The following GIT2 variants were observed in gnomAD, a reference collection of about 807,000 sequenced individuals.
GIT2 encodes GIT ArfGAP 2, also known as ARF GTPase-activating protein GIT2.
Under a neutral mutation model 100.3 loss-of-function variants are expected in GIT2, and 32 were observed. The observed-to-expected ratio is 0.32, with a 90% CI of 0.24 to 0.43. The LOEUF is 0.43. Among genes scored for constraint, GIT2 ranks in the 20% least tolerant of loss-of-function variants. The pLI, the probability that GIT2 is intolerant of heterozygous loss-of-function variation, is 1.00. For synonymous variants in GIT2, 353 were observed against 364.1 expected (o/e 0.97, Z 0.35); for missense variants, 737 against 975.1 (o/e 0.76, Z 3.25).
intron 2 of GIT2, 53 bp downstream of exon 2, chr12:109,991,571 CATG>C: frequency 1.4e-6 from 2 of 1,432,818 alleles, no homozygotes; most frequent in Non-Finnish European, 9.7e-7. Flanking sequence ...AAGTTATTAA[CATG>C]ATGAGCCCTA....
At chr12:109,981,243 T>C in intron 6 of GIT2, 197 bp from the exon 7 acceptor site, 1 of 510,742 alleles carries the variant, frequency 2.0e-6, no homozygotes. Flanking sequence ...CCATCTGAAC[T>C]ATCGCCTTTC....
At chr12:109,965,301 A>G (rs1882048831) in intron 9 of GIT2, among the ~76,000 whole-genome samples, 1 of 152,272 alleles carries the variant, frequency 6.6e-6, no homozygotes, top group African/African-American at 2.4e-5. Flanking sequence ...GTTACATGAT[A>G]GAGAAAAATG....
chr12:109,965,598 A>G, intron 8 of GIT2, 21 bp from the exon 9 acceptor site: 2 of 1,502,614 alleles, frequency 1.3e-6, no homozygotes, highest in Non-Finnish European at 1.8e-6. Context: ...ATACAAAGCT[A>G]ATAAGCAAAT....
At chr12:109,986,827 C>G (rs11069215) in intron 4 of GIT2, among the ~76,000 whole-genome samples, 1 of 150,708 alleles carries the variant, frequency 6.6e-6, no homozygotes, top group Non-Finnish European at 1.5e-5. Flanking sequence ...CCTGGTGGCA[C>G]GTGCCTGTAA....
chr12:109,961,517 G>T, intron 10 of GIT2, 96 bp downstream of exon 10: 1 of 952,352 alleles, frequency 1.1e-6, no homozygotes, highest in Non-Finnish European at 1.7e-6. Flanking sequence ...CGCACCATCA[G>T]GACAGCAGAA....
chr12:109,966,638 C>CCTG (rs938339801), intron 8 of GIT2, among the ~76,000 whole-genome samples: 3 of 151,268 alleles, frequency 2.0e-5, no homozygotes, highest in African/African-American at 7.3e-5. Flanking sequence ...AGAGCAAGAC[C>CCTG]CTGTCTCTAC....
At position 109,948,323 on chromosome 12, in the gene GIT2, G is replaced by A; in HGVS notation, c.1393-819C>T. 1.0e-6 allele frequency: 1 copy of A among 987,692 alleles called. No individual in the cohort carries two copies. Among genetic ancestry groups the A allele is most frequent in the Non-Finnish European group, 1.2e-6 (1 of 831,546 alleles). 61.2% of individuals were successfully genotyped at this position (987,692 alleles called of 1,614,324 possible). ...TTTGGCCTTTCTCTCCTTTGGCTTT[G>A]TCACCCAAAAAACACGACCTCAGTG... On this transcript the variant is annotated intron_variant, in intron 14 of 19. Coordinates refer to ENST00000355312, the MANE Select transcript of GIT2 (RefSeq NM_057169.5). This position sits in a 1 kb window ranked among gnomAD's most constrained non-coding sequence, Gnocchi z 4.3.
chr12:109,945,436 G>C, intron 15 of GIT2, 87 bp from the exon 16 acceptor site: 1 of 724,394 alleles, frequency 1.4e-6, no homozygotes, highest in Non-Finnish European at 2.5e-6. Flanking sequence ...AAGAATCCTG[G>C]AACACCACAC....
intron 9 of GIT2, among the ~76,000 whole-genome samples, chr12:109,963,023 C>A (rs1881455268): frequency 6.6e-6 from 1 of 151,618 alleles, no homozygotes; most frequent in Non-Finnish European, 1.5e-5. Flanking sequence ...AAAGAAAAAA[C>A]AAGTGCTGGT....
At chr12:109,955,980 GTGCAGTGGCACGAT>G (rs1879339791) in intron 12 of GIT2, among the ~76,000 whole-genome samples, 1 of 151,704 alleles carries the variant, frequency 6.6e-6, no homozygotes, top group Non-Finnish European at 1.5e-5. Context: ...CCAGGCTGGA[GTGCAGTGGCACGAT>G]CTCAGCTCAC....
chr12:109,935,322 C>T (rs1272680127), intron 18 of GIT2, among the ~76,000 whole-genome samples: 5 of 152,156 alleles, frequency 3.3e-5, no homozygotes, highest in Admixed American at 6.5e-5. Context: ...TGTCCACAGC[C>T]GTCACATGTA....
intron 7 of GIT2, among the ~76,000 whole-genome samples, chr12:109,974,730 T>C (rs1884678757): frequency 6.6e-6 from 1 of 152,234 alleles, no homozygotes; most frequent in Admixed American, 6.5e-5. Flanking sequence ...GAAAAGAATG[T>C]GTATTCTAAT....
At chr12:109,999,798 C>A, upstream of GIT2, 1 of 1,520,568 alleles carries the variant, frequency 6.6e-7, no homozygotes, top group Admixed American at 2.1e-5. The surrounding 1 kb of genome is among the most constrained non-coding windows in gnomAD (Gnocchi z 4.3). Flanking sequence ...AGGGGCGGGG[C>A]GGGGGTCCGT....
intron 1 of GIT2, among the ~76,000 whole-genome samples, chr12:109,994,119 T>G (rs1389321318): frequency 1.3e-5 from 2 of 151,834 alleles, no homozygotes; most frequent in Non-Finnish European, 2.9e-5. Flanking sequence ...AGCATAGCTT[T>G]GGTTTTCACT....
Position 109,933,343 on chromosome 12 carries a change from A to T in GIT2, c.2068-153T>A. ...TCAAAGGGGTGCTTCACACACTCCA[A>T]GCTTTGCAGCCCACAGCGTAAGAGA... On this transcript the variant is annotated intron_variant, in intron 19 of 19. Coordinates refer to ENST00000355312, the MANE Select transcript of GIT2 (RefSeq NM_057169.5). The surrounding 1 kb of genome is among the most constrained non-coding windows in gnomAD (Gnocchi z 4.5). The T allele has an allele frequency of 3.4e-6, 2 of 595,062 alleles. No individual in the cohort carries two copies. The highest frequency in any genetic ancestry group is 6.0e-6 in the Non-Finnish European group (2 of 332,556). 36.9% of individuals were successfully genotyped at this position (595,062 alleles called of 1,614,324 possible). A position where few individuals can be genotyped will look rare whatever the true frequency, so the allele number is the denominator to read the frequency against.
chr12:109,960,155 A>G (rs867553967), intron 11 of GIT2, among the ~76,000 whole-genome samples, 197 bp from the exon 12 acceptor site: 16 of 152,244 alleles, frequency 1.1e-4, no homozygotes, highest in Admixed American at 2.0e-4. Context: ...CCATTTATAT[A>G]AGAGAATTTC....
At position 109,930,846 on chromosome 12, in the gene GIT2, A is replaced by T. The variant is rs1871522909; in HGVS notation, c.*2132T>A. ...GACAGCAGGGGCAGGGGTTTGCAAG[A>T]TAAAGGAGGGTCAGCTAAGGACATG... On this transcript the variant is annotated 3_prime_UTR_variant, in exon 20 of 20. Transcript: ENST00000355312. The T allele has an allele frequency of 6.6e-6, 1 of 152,264 alleles. No individual in the cohort carries two copies. The highest frequency in any genetic ancestry group is 2.4e-5 in the African/African-American group (1 of 41,442). The allele number at this position is 152,264 out of a possible 1,614,324, so 9.4% of individuals were successfully genotyped here. A position where few individuals can be genotyped will look rare whatever the true frequency, so the allele number is the denominator to read the frequency against.
intron 4 of GIT2, among the ~76,000 whole-genome samples, chr12:109,987,726 C>T (rs578204838): frequency 5.1e-4 from 78 of 152,220 alleles, no homozygotes; most frequent in Admixed American, 8.5e-4. Context: ...TCTCAGTCTC[C>T]CAAAGTGCTG....
At chr12:109,973,472 T>C (rs1358832650) in intron 7 of GIT2, among the ~76,000 whole-genome samples, 2 of 152,102 alleles carry the variant, frequency 1.3e-5, no homozygotes, top group Admixed American at 6.6e-5. Flanking sequence ...TATCCTTCCA[T>C]GTCTGTGGGG....
Sources: gnomAD v4.1 joint callset for allele counts (sites outside exome capture counted in the v4.1 genomes callset) on GRCh38, gnomAD v4.1.1 for gene constraint, Gnocchi (gnomAD v3.1) non-coding constraint, MANE v1.5 for transcripts, NCBI Gene and HGNC (gene_info 2026-07-23, HGNC 2026-07-21) for gene names.